Variants in CHLSN observed in about 807,000 individuals in gnomAD.
CHLSN encodes protein cholesin.
At chr7:1,096,905 AACCT>A in the CHLSN span, among the ~76,000 whole-genome samples, 1 of 152,100 alleles carries the variant, frequency 6.6e-6, no homozygotes, top group Non-Finnish European at 1.5e-5. This position sits in a 1 kb window ranked among gnomAD's most constrained non-coding sequence, Gnocchi z 4.6. Context: ...ACTACAAAGA[AACCT>A]TCTTAGGAGG....
At chr7:990,452 G>A in the CHLSN span, among the ~76,000 whole-genome samples, 2 of 152,114 alleles carry the variant, frequency 1.3e-5, no homozygotes, top group African/African-American at 4.8e-5. Flanking sequence ...GACCATGCAC[G>A]TGAGCGGCAG....
At chr7:1,093,535 G>A in the CHLSN span, 4 of 470,670 alleles carry the variant, frequency 8.5e-6, no homozygotes, top group South Asian at 3.1e-5. Flanking sequence ...TCTGTGGAGC[G>A]CCCGCCGTCT....
chr7:1,108,010 G>A, the CHLSN span, among the ~76,000 whole-genome samples: 1 of 114,604 alleles, frequency 8.7e-6, no homozygotes, highest in Non-Finnish European at 1.7e-5. Flanking sequence ...GCAGAGGGGG[G>A]CTGTGTCCCG....
chr7:1,033,962 G>A, the CHLSN span, among the ~76,000 whole-genome samples: 1 of 152,236 alleles, frequency 6.6e-6, no homozygotes, highest in Non-Finnish European at 1.5e-5. Context: ...CAGGCTGGCC[G>A]GGGGCCACAG....
chr7:1,046,365 G>A, the CHLSN span, among the ~76,000 whole-genome samples: 1 of 152,162 alleles, frequency 6.6e-6, no homozygotes, highest in Non-Finnish European at 1.5e-5. Flanking sequence ...ACGATCCCAC[G>A]GTGCTGTTTT....
At chr7:997,765 C>G in the CHLSN span, 2 of 1,609,168 alleles carry the variant, frequency 1.2e-6, no homozygotes, top group Non-Finnish European at 1.7e-6. Context: ...TGCAGCCCCT[C>G]CAGGTAGGCC....
At chr7:998,739 C>A in the CHLSN span, among the ~76,000 whole-genome samples, 1 of 152,190 alleles carries the variant, frequency 6.6e-6, no homozygotes, top group Admixed American at 6.5e-5. Flanking sequence ...AGCCACCACG[C>A]CCGGCTACAC....
At chr7:1,036,885 G>C in the CHLSN span, among the ~76,000 whole-genome samples, 1 of 148,214 alleles carries the variant, frequency 6.7e-6, no homozygotes, top group African/African-American at 2.4e-5. Flanking sequence ...TGAGGCAGGA[G>C]TATCTCTTGA....
chr7:1,014,023 G>C, the CHLSN span, among the ~76,000 whole-genome samples: 1 of 152,312 alleles, frequency 6.6e-6, no homozygotes, highest in East Asian at 1.9e-4. Context: ...CGGCCAGCGG[G>C]CCTGTCACTG....
chr7:1,008,080 G>T, the CHLSN span, among the ~76,000 whole-genome samples: 1 of 152,210 alleles, frequency 6.6e-6, no homozygotes, highest in South Asian at 2.1e-4. Context: ...CATCAGGGCA[G>T]GTCCAGAACA....
chr7:1,133,751 C>CAAA, the CHLSN span, among the ~76,000 whole-genome samples: 68 of 114,896 alleles, frequency 5.9e-4, no homozygotes, highest in African/African-American at 7.2e-4. Flanking sequence ...GACTCCATCT[C>CAAA]AAAAAAAAAA....
At chr7:1,055,233 G>A in the CHLSN span, 2 of 470,922 alleles carry the variant, frequency 4.2e-6, no homozygotes, top group Admixed American at 2.3e-5. Context: ...GAGGGGCGGT[G>A]GCGCCTGCCA....
the CHLSN span, among the ~76,000 whole-genome samples, chr7:1,111,643 T>C: frequency 6.6e-6 from 1 of 152,050 alleles, no homozygotes; most frequent in South Asian, 2.1e-4. Flanking sequence ...CTACAAAAAA[T>C]ACAAAATTTA....
chr7:1,092,161 G>A, the CHLSN span: 49 of 1,613,348 alleles, frequency 3.0e-5, 1 homozygote, highest in East Asian at 2.2e-5. Flanking sequence ...GTACAGCAGC[G>A]TCTTCTTCCT....
chr7:1,061,407 C>G, the CHLSN span, among the ~76,000 whole-genome samples: 2 of 152,108 alleles, frequency 1.3e-5, no homozygotes, highest in Non-Finnish European at 2.9e-5. Context: ...GCCCCAACCC[C>G]CTACCCAGCG....
chr7:1,009,458 C>T, the CHLSN span, among the ~76,000 whole-genome samples: 2 of 151,912 alleles, frequency 1.3e-5, no homozygotes, highest in African/African-American at 2.4e-5. Context: ...CACCCAGCCA[C>T]GCCGCAGGCA....
At chr7:986,569 A>G in the CHLSN span, 6 of 1,590,650 alleles carry the variant, frequency 3.8e-6, no homozygotes, top group African/African-American at 1.3e-5. Context: ...CCGCCTGCCC[A>G]GCGTGCAGCC....
At chr7:1,061,589 C>G in the CHLSN span, among the ~76,000 whole-genome samples, 1 of 152,184 alleles carries the variant, frequency 6.6e-6, no homozygotes, top group African/African-American at 2.4e-5. Context: ...TCTATGTTGC[C>G]TTCACCTGGG....
At chr7:1,030,678 G>A in the CHLSN span, among the ~76,000 whole-genome samples, 2 of 152,126 alleles carry the variant, frequency 1.3e-5, no homozygotes, top group African/African-American at 4.8e-5. Flanking sequence ...GTGGCTTTGG[G>A]CAGGTGGGAC....
Sources: allele counts gnomAD v4.1 joint callset (sites outside exome capture counted in the v4.1 genomes callset), GRCh38; gene constraint gnomAD v4.1.1; non-coding constraint Gnocchi (gnomAD v3.1); transcripts MANE v1.5; gene names NCBI Gene and HGNC (gene_info 2026-07-23, HGNC 2026-07-21).